Variants in FOXN3 observed in about 807,000 individuals in gnomAD.
FOXN3 encodes the protein forkhead box N3, also known as forkhead box protein N3.
FOXN3 carries 7 observed loss-of-function variants against 38.4 expected under a neutral mutation model. The observed-to-expected ratio is 0.18, with a 90% CI of 0.10 to 0.34. The LOEUF is 0.34. FOXN3 is among the 10% of genes least tolerant of loss of function. FOXN3 has a pLI of 1.00. For synonymous variants in FOXN3, 230 were observed against 242.2 expected, an observed-to-expected ratio of 0.95 and a Z score of 0.47; for missense variants, 456 against 613.4, an observed-to-expected ratio of 0.74 and a Z score of 2.71.
At chr14:89,324,934 G>A (rs1023677948) in intron 3 of FOXN3, among the ~76,000 whole-genome samples, 34 of 152,256 alleles carry the variant, frequency 2.2e-4, no homozygotes, top group African/African-American at 7.9e-4. Flanking sequence ...CCCAGGAAAC[G>A]CACACGTTGC....
chr14:89,584,186 G>T (rs1895800258), intron 1 of FOXN3, among the ~76,000 whole-genome samples: 1 of 150,716 alleles, frequency 6.6e-6, no homozygotes, highest in Non-Finnish European at 1.5e-5. Flanking sequence ...ATAAAGAACA[G>T]AGGCCGGCCA....
chr14:89,378,092 T>C lies in FOXN3; in HGVS notation c.544-27284A>G, dbSNP rs573319249. On this transcript the variant is annotated intron_variant, in intron 2 of 5. Coordinates refer to ENST00000557258, the MANE Select transcript of FOXN3 (RefSeq NM_005197.4). ...AAGCCAACCAGGCTGTGGTACTTTG[T>C]TATGTCTGCACTAGCACAGTAACAT... Among the ~76,000 whole-genome samples, 4 of 152,362 alleles carry C rather than the reference T, an allele frequency of 2.6e-5. No homozygotes were observed. In the East Asian group the frequency reaches 7.7e-4, roughly 29 times the overall value.
chr14:89,452,344 C>G (rs990776047), intron 1 of FOXN3, among the ~76,000 whole-genome samples: 5 of 152,196 alleles, frequency 3.3e-5, no homozygotes, highest in African/African-American at 1.2e-4. Context: ...CTGAGTGGAG[C>G]TGCTGTGGGA....
intron 3 of FOXN3, among the ~76,000 whole-genome samples, chr14:89,308,301 A>C (rs989371460): frequency 6.6e-6 from 1 of 152,196 alleles, no homozygotes; most frequent in Non-Finnish European, 1.5e-5. Flanking sequence ...AAAGAAGACA[A>C]ATGAAAAAAT....
intron 4 of FOXN3, among the ~76,000 whole-genome samples, chr14:89,217,275 G>T (rs1263033148): frequency 6.6e-6 from 1 of 152,104 alleles, no homozygotes; most frequent in Non-Finnish European, 1.5e-5. Flanking sequence ...AAGTAGCTGG[G>T]ACTACAGGCA....
chr14:89,227,054 A>G (rs923470628), intron 4 of FOXN3, among the ~76,000 whole-genome samples: 5 of 152,276 alleles, frequency 3.3e-5, no homozygotes, highest in Non-Finnish European at 1.5e-5. Flanking sequence ...CATGCTAAGC[A>G]AACAGAGCCA....
At chr14:89,462,452 A>G (rs529950246) in intron 1 of FOXN3, among the ~76,000 whole-genome samples, 1 of 152,246 alleles carries the variant, frequency 6.6e-6, no homozygotes, top group African/African-American at 2.4e-5. Context: ...ATCTTACTCT[A>G]TTTTCTGTTG....
chr14:89,576,268 C>G (rs569485158), intron 1 of FOXN3: 5 of 152,336 alleles, frequency 3.3e-5, no homozygotes, highest in African/African-American at 1.2e-4. Context: ...GGGTGCCTTT[C>G]ACTGCCAAAC....
In FOXN3 at chr14:89,360,759, T is replaced by TCCACCACCACCA. The variant is rs1388687496; in HGVS notation, c.544-9952_544-9951insTGGTGGTGGTGG. Among the ~76,000 whole-genome samples, 64 of 38,910 alleles carry TCCACCACCACCA rather than the reference T, an allele frequency of 1.6e-3. 2 individuals are homozygous for TCCACCACCACCA. The highest frequency in any genetic ancestry group is 1.7e-3 in the Non-Finnish European group (39 of 22,598). The allele number at this position is 38,910 out of a possible 152,430, so 25.5% of individuals were successfully genotyped here. ...CTCCAGCACCACCTCCACCACCACC[T>TCCACCACCACCA]CCACCACTACCACCTCCACCACCAC... On this transcript the variant is annotated intron_variant, in intron 2 of 5. Transcript: ENST00000557258.
intron 1 of FOXN3, among the ~76,000 whole-genome samples, chr14:89,585,757 G>GAAAAAA (rs34382325): frequency 7.3e-6 from 1 of 136,808 alleles, no homozygotes; most frequent in Non-Finnish European, 1.6e-5. Flanking sequence ...CACTTGACTA[G>GAAAAAA]AAAAAAAAAA....
At chr14:89,381,532 C>CA (rs71897384) in intron 2 of FOXN3, among the ~76,000 whole-genome samples, 1,893 of 75,902 alleles carry the variant, frequency 0.025, 51 homozygotes, top group African/African-American at 0.051. Flanking sequence ...CCTCAAAAAG[C>CA]AAAAAAAAAA....
intron 1 of FOXN3, among the ~76,000 whole-genome samples, chr14:89,439,928 A>G (rs1266663150): frequency 2.0e-5 from 3 of 152,120 alleles, no homozygotes; most frequent in Non-Finnish European, 4.4e-5. Context: ...TGCTGGGATT[A>G]CAGGCGTGAC....
chr14:89,171,141 A>C (rs1566920391), intron 5 of FOXN3, among the ~76,000 whole-genome samples: 1 of 152,188 alleles, frequency 6.6e-6, no homozygotes. Context: ...CATAGTTACA[A>C]AAGATGTTTT....
chr14:89,550,733 G>T (rs1477527899), intron 1 of FOXN3, among the ~76,000 whole-genome samples: 1 of 152,174 alleles, frequency 6.6e-6, no homozygotes, highest in Non-Finnish European at 1.5e-5. Flanking sequence ...GAGTCCTCGG[G>T]CGACTGCTTC....
chr14:89,454,339 G>C (rs986375381), intron 1 of FOXN3, among the ~76,000 whole-genome samples: 1 of 152,216 alleles, frequency 6.6e-6, no homozygotes, highest in Non-Finnish European at 1.5e-5. Context: ...GGCTGTGGCT[G>C]TCTGCAAACA....
At chr14:89,212,693 A>C (rs1234241665) in intron 4 of FOXN3, among the ~76,000 whole-genome samples, 1 of 152,136 alleles carries the variant, frequency 6.6e-6, no homozygotes, top group Non-Finnish European at 1.5e-5. Flanking sequence ...TTTTGTAAAT[A>C]CTTAATTCTT....
intron 1 of FOXN3, among the ~76,000 whole-genome samples, chr14:89,467,802 T>TTG (rs1460060827): frequency 1.6e-5 from 2 of 121,398 alleles, no homozygotes; most frequent in African/African-American, 3.0e-5. Flanking sequence ...TTTTCTTTCT[T>TTG]TGTTTTTTTT....
intron 1 of FOXN3, among the ~76,000 whole-genome samples, chr14:89,467,236 G>A (rs887576690): frequency 9.9e-5 from 15 of 152,142 alleles, no homozygotes; most frequent in African/African-American, 3.4e-4. Context: ...AGCAGAGACT[G>A]GTGTGATCCC....
chr14:89,535,714 C>T (rs1302112422), intron 1 of FOXN3, among the ~76,000 whole-genome samples: 1 of 152,190 alleles, frequency 6.6e-6, no homozygotes, highest in Non-Finnish European at 1.5e-5. Context: ...TCTTTGGCAA[C>T]TCTTCTTAAC....
Sources: gnomAD v4.1 joint callset for allele counts (sites outside exome capture counted in the v4.1 genomes callset) on GRCh38, gnomAD v4.1.1 for gene constraint, MANE v1.5 for transcripts, NCBI Gene and HGNC (gene_info 2026-07-23, HGNC 2026-07-21) for gene names.